Variants in TBCA observed in about 807,000 individuals in gnomAD.
TBCA encodes the protein tubulin folding cofactor A.
In TBCA, 6 loss-of-function variants were observed where a neutral mutation model predicts 15.8. The ratio of observed to expected loss-of-function variants is 0.38; its 90% confidence interval spans 0.21 to 0.75. The LOEUF (loss-of-function observed/expected upper bound fraction) is 0.75, where lower values mean the gene tolerates loss of function less well. Ranked by LOEUF, TBCA falls within the 30% of genes least tolerant of loss-of-function variation. The pLI is 0.46. For missense variants in TBCA, 90 were observed against 131.2 expected (o/e 0.69, Z 1.53); for synonymous variants, 32 against 42.3 (o/e 0.76, Z 0.94).
chr5:77,752,763 T>C (rs556677488), intron 1 of TBCA, among the ~76,000 whole-genome samples: 1 of 55,412 alleles, frequency 1.8e-5, no homozygotes, highest in South Asian at 4.4e-4. Context: ...TTTCACCTTG[T>C]TAGCCAGGAT....
At chr5:77,725,617 G>T (rs543904555) in intron 1 of TBCA, among the ~76,000 whole-genome samples, 11 of 152,214 alleles carry the variant, frequency 7.2e-5, no homozygotes, top group Non-Finnish European at 1.6e-4. Flanking sequence ...AACATCAGCC[G>T]CGTATGCCTC....
intron 2 of TBCA, among the ~76,000 whole-genome samples, chr5:77,700,142 T>A (rs1745978088): frequency 6.6e-6 from 1 of 150,486 alleles, no homozygotes. Context: ...GAGGCAGAGG[T>A]TGCAGTGAGC....
chr5:77,727,383 A>C (rs1746653117), intron 1 of TBCA, among the ~76,000 whole-genome samples: 1 of 152,200 alleles, frequency 6.6e-6, no homozygotes, highest in Non-Finnish European at 1.5e-5. Flanking sequence ...TGTAGAGTGG[A>C]AACTGATCTT....
intron 1 of TBCA, among the ~76,000 whole-genome samples, chr5:77,716,527 G>A (rs1746402000): frequency 6.6e-6 from 1 of 152,174 alleles, no homozygotes; most frequent in Non-Finnish European, 1.5e-5. Flanking sequence ...CAAGCAGTGT[G>A]CCAAGGCATG....
chr5:77,734,910 T>C (rs1361896030), intron 1 of TBCA, among the ~76,000 whole-genome samples: 3 of 152,216 alleles, frequency 2.0e-5, no homozygotes, highest in African/African-American at 7.2e-5. Flanking sequence ...AGGCAAGATA[T>C]GTAACAGCAA....
chr5:77,697,241 A>G (rs1745893618), intron 2 of TBCA, among the ~76,000 whole-genome samples: 2 of 152,218 alleles, frequency 1.3e-5, no homozygotes, highest in South Asian at 4.1e-4. Context: ...CCAACGCACA[A>G]GGTGTAACTG....
rs563995385 is a variant in TBCA at position 77,732,793 on chromosome 5, T to C, written c.54-24446A>G. 1.5e-4 allele frequency among the ~76,000 whole-genome samples: 23 copies of C among 152,276 alleles called. No homozygotes were observed. The South Asian group carries it at 4.8e-3, about 32-fold the overall frequency. Reference sequence around the variant, plus strand: ...TCCCACAAACTGTGCCTATATAAGATGGCAAACTCAATCGATGAATGTGTA... The same window carrying C: ...TCCCACAAACTGTGCCTATATAAGACGGCAAACTCAATCGATGAATGTGTA... On this transcript the variant is annotated intron_variant, in intron 1 of 3. Transcript: ENST00000380377.
intron 1 of TBCA, chr5:77,708,572 A>G: frequency 3.4e-6 from 1 of 295,298 alleles, no homozygotes; most frequent in South Asian, 7.7e-5. Context: ...TCAAAGCATG[A>G]AATTCTTTTT....
rs1747379831 is a variant in TBCA at position 77,752,741 on chromosome 5, G to C, written c.53+23464C>G. On this transcript the variant is annotated intron_variant, in intron 1 of 3. Coordinates refer to ENST00000380377, the MANE Select transcript of TBCA (RefSeq NM_004607.3). Reference sequence around the variant, plus strand: ...GCCCGGCTAATTTTTTGTATTTTTAGTAGAGACGGGGTTTCACCTTGTTAG... The same window carrying C: ...GCCCGGCTAATTTTTTGTATTTTTACTAGAGACGGGGTTTCACCTTGTTAG... Among the ~76,000 whole-genome samples, 2 of 93,410 alleles carry C rather than the reference G, an allele frequency of 2.1e-5. 1 individual carries two copies. Among genetic ancestry groups the C allele is most frequent in the African/African-American group, 7.5e-5 (2 of 26,650 alleles). 61.3% of individuals were successfully genotyped at this position (93,410 alleles called of 152,430 possible).
intron 1 of TBCA, among the ~76,000 whole-genome samples, chr5:77,714,603 G>C (rs1214393190): frequency 1.4e-5 from 2 of 147,286 alleles, no homozygotes; most frequent in Non-Finnish European, 3.0e-5. Context: ...GTCTGTCTCT[G>C]TCGCCCAAGC....
intron 2 of TBCA, among the ~76,000 whole-genome samples, 188 bp downstream of exon 2, chr5:77,708,054 A>C (rs542807471): frequency 6.6e-6 from 1 of 152,304 alleles, no homozygotes; most frequent in South Asian, 2.1e-4. Flanking sequence ...CAGCTGTGTC[A>C]CTTAACAACT....
intron 1 of TBCA, among the ~76,000 whole-genome samples, chr5:77,749,353 A>C (rs1040944640): frequency 6.6e-6 from 1 of 152,238 alleles, no homozygotes. Flanking sequence ...ACACTTGTTT[A>C]CATTTCTCAA....
At chr5:77,694,136 G>A (rs566591028) in intron 2 of TBCA, 4 of 152,092 alleles carry the variant, frequency 2.6e-5, no homozygotes, top group South Asian at 2.1e-4. Flanking sequence ...TGATCACATC[G>A]TGTGCACACT....
chr5:77,722,933 G>C (rs139998888), intron 1 of TBCA, among the ~76,000 whole-genome samples: 16 of 151,758 alleles, frequency 1.1e-4, no homozygotes, highest in Non-Finnish European at 2.2e-4. Context: ...CTCTATGATA[G>C]TATAATATTA....
At chr5:77,693,619 G>A (rs1395221435) in intron 2 of TBCA, 1 of 380,056 alleles carries the variant, frequency 2.6e-6, no homozygotes, top group Non-Finnish European at 4.9e-6. Context: ...GACCAACATG[G>A]AGAAACCCTG....
At chr5:77,737,969 G>A (rs1240063513) in intron 1 of TBCA, among the ~76,000 whole-genome samples, 1 of 152,016 alleles carries the variant, frequency 6.6e-6, no homozygotes, top group African/African-American at 2.4e-5. Flanking sequence ...ATCTGCTCTG[G>A]TGCAGTAGTA....
chr5:77,741,870 T>C (rs1401612169), intron 1 of TBCA, among the ~76,000 whole-genome samples: 1 of 152,070 alleles, frequency 6.6e-6, no homozygotes, highest in African/African-American at 2.4e-5. Flanking sequence ...TCTCTAATAT[T>C]TGAGAAGAAG....
At chr5:77,693,223 T>C (rs1042351278) in intron 3 of TBCA, 43 bp downstream of exon 3, 1 of 1,604,540 alleles carries the variant, frequency 6.2e-7, no homozygotes, top group East Asian at 2.2e-5. Context: ...ATGTATTGGA[T>C]TGAAAAAAAA....
chr5:77,717,852 G>A (rs1053806489), intron 1 of TBCA, among the ~76,000 whole-genome samples: 4 of 150,330 alleles, frequency 2.7e-5, no homozygotes, highest in East Asian at 2.0e-4. Context: ...AAAAAAGGCC[G>A]GGGGCAGTGG....
Sources: gnomAD v4.1 joint callset for allele counts (sites outside exome capture counted in the v4.1 genomes callset) on GRCh38, gnomAD v4.1.1 for gene constraint, MANE v1.5 for transcripts, NCBI Gene and HGNC (gene_info 2026-07-23, HGNC 2026-07-21) for gene names.